Variants in CTNNA2 observed in about 807,000 individuals in gnomAD.
The protein encoded by CTNNA2 is catenin alpha 2.
In CTNNA2, 42 loss-of-function variants were observed where a neutral mutation model predicts 101.0. The ratio of observed to expected loss-of-function variants is 0.42; its 90% CI spans 0.32 to 0.54. The LOEUF (loss-of-function observed/expected upper bound fraction) is 0.54. Among genes scored for constraint, CTNNA2 ranks in the 20% least tolerant of loss-of-function variants. The pLI is 0.14. For synonymous variants in CTNNA2, 450 were observed against 456.4 expected (o/e 0.99, Z 0.18); for missense variants, 871 against 1,223.1 (o/e 0.71, Z 4.29).
intron 8 of CTNNA2, among the ~76,000 whole-genome samples, chr2:80,398,588 C>T (rs1220156917): frequency 6.6e-6 from 1 of 151,718 alleles, no homozygotes; most frequent in Non-Finnish European, 1.5e-5. Flanking sequence ...GGCATGGTGG[C>T]TCATGCCTGT....
chr2:79,799,705 G>T (rs1676009525), intron 3 of CTNNA2, among the ~76,000 whole-genome samples: 1 of 152,200 alleles, frequency 6.6e-6, no homozygotes. Context: ...TCACTGAACT[G>T]AAAGGAGCTT....
intron 7 of CTNNA2, among the ~76,000 whole-genome samples, chr2:80,294,193 C>A (rs1302919602): frequency 6.6e-6 from 1 of 152,164 alleles, no homozygotes; most frequent in Non-Finnish European, 1.5e-5. Context: ...GCTACTGAAC[C>A]TTTTCAGATT....
At chr2:80,234,750 G>T (rs2149081340) in intron 7 of CTNNA2, among the ~76,000 whole-genome samples, 1 of 152,188 alleles carries the variant, frequency 6.6e-6, no homozygotes, top group South Asian at 2.1e-4. Context: ...ACAGTACTGA[G>T]AAATATTATG....
intron 7 of CTNNA2, among the ~76,000 whole-genome samples, chr2:79,964,446 T>C (rs796523953): frequency 1.3e-4 from 20 of 152,252 alleles, no homozygotes. Flanking sequence ...TAATGAAGGA[T>C]ATTACTTTTC....
intron 6 of CTNNA2, among the ~76,000 whole-genome samples, chr2:79,903,284 A>G (rs1343815921): frequency 6.6e-6 from 1 of 151,936 alleles, no homozygotes; most frequent in Non-Finnish European, 1.5e-5. Flanking sequence ...CACAATCCTG[A>G]TTTGTAGTTT....
intron 9 of CTNNA2, among the ~76,000 whole-genome samples, chr2:80,442,520 G>T (rs775631638): frequency 3.3e-5 from 5 of 152,174 alleles, no homozygotes; most frequent in Non-Finnish European, 7.3e-5. Context: ...TCTTGCTTTT[G>T]TTCCTTAATA....
intron 7 of CTNNA2, among the ~76,000 whole-genome samples, chr2:79,920,949 AG>A: frequency 6.6e-6 from 1 of 152,306 alleles, no homozygotes; most frequent in Admixed American, 6.5e-5. Context: ...GAGGGCTTGG[AG>A]GAGCTGGACC....
chr2:80,458,780 A>G (rs1309077692), intron 9 of CTNNA2, among the ~76,000 whole-genome samples: 1 of 152,146 alleles, frequency 6.6e-6, no homozygotes, highest in African/African-American at 2.4e-5. Context: ...TCCTGGGTTT[A>G]TATTATTAAC....
rs568882768 is a variant in CTNNA2 at position 80,062,948 on chromosome 2, A to G, written c.1056+153151A>G. The stretch of plus-strand genomic sequence containing the variant: ...TCTCGATCTCCTGACCTCGTGATCC[A>G]CCTGCCTCGGCCTCCCAAAGTGCTG... On this transcript the variant is annotated intron_variant, in intron 7 of 18. Transcript: ENST00000402739. Among the ~76,000 whole-genome samples the G allele has an allele frequency of 8.9e-3, 1,361 of 152,106 alleles. 20 individuals carry two copies. The highest frequency in any genetic ancestry group is 0.012 in the Non-Finnish European group (827 of 67,982).
At chr2:79,535,902 A>G (rs1237779645) in intron 1 of CTNNA2, among the ~76,000 whole-genome samples, 1 of 152,162 alleles carries the variant, frequency 6.6e-6, no homozygotes, top group African/African-American at 2.4e-5. Flanking sequence ...CCATGATTAG[A>G]TCTGCCTTGC....
chr2:80,151,687 G>T (rs140648460), intron 7 of CTNNA2, among the ~76,000 whole-genome samples: 2 of 152,222 alleles, frequency 1.3e-5, no homozygotes, highest in African/African-American at 4.8e-5. Flanking sequence ...TCCATGACAG[G>T]CTCCACCACT....
At chr2:80,580,975 TGCTG>T (rs1695484763) in intron 13 of CTNNA2, among the ~76,000 whole-genome samples, 2 of 152,048 alleles carry the variant, frequency 1.3e-5, no homozygotes, top group Non-Finnish European at 2.9e-5. Flanking sequence ...AAGATCCCAC[TGCTG>T]CACTCCAGCC....
intron 7 of CTNNA2, among the ~76,000 whole-genome samples, chr2:80,250,198 A>AGTGTGTGTGT (rs1447484092): frequency 1.8e-4 from 26 of 142,852 alleles, no homozygotes; most frequent in African/African-American, 7.1e-4. Context: ...AGAGAGAGAG[A>AGTGTGTGTGT]GAGAGAGTGT....
At chr2:79,314,404 A>T (rs1383832492) in intron 3 of CTNNA2, among the ~76,000 whole-genome samples, 1 of 152,218 alleles carries the variant, frequency 6.6e-6, no homozygotes, top group Non-Finnish European at 1.5e-5. Context: ...TCTGGAGGCT[A>T]ATGTAAACAA....
At chr2:79,328,745 G>C (rs1573083132) in intron 3 of CTNNA2, among the ~76,000 whole-genome samples, 1 of 152,150 alleles carries the variant, frequency 6.6e-6, no homozygotes, top group East Asian at 1.9e-4. Context: ...GTTTTCTGGG[G>C]CTGCCAAAAC....
intron 12 of CTNNA2, among the ~76,000 whole-genome samples, chr2:80,558,443 G>GGT (rs71931933): frequency 6.8e-6 from 1 of 147,586 alleles, no homozygotes; most frequent in Non-Finnish European, 1.5e-5. Context: ...AAGTTTTGTT[G>GGT]GTGTGTGTGT....
At chr2:80,542,162 T>A (rs1036369958) in intron 9 of CTNNA2, among the ~76,000 whole-genome samples, 17 of 151,918 alleles carry the variant, frequency 1.1e-4, no homozygotes, top group Admixed American at 2.6e-4. Flanking sequence ...TAATAACTCC[T>A]CAGTATCATC....
intron 6 of CTNNA2, among the ~76,000 whole-genome samples, chr2:79,880,939 C>T (rs1302783989): frequency 6.6e-6 from 1 of 152,026 alleles, no homozygotes; most frequent in Admixed American, 6.6e-5. Flanking sequence ...CTTTCTAGCT[C>T]TCTGATGTGG....
At chr2:79,728,736 T>C (rs1208751786) in intron 2 of CTNNA2, among the ~76,000 whole-genome samples, 2 of 152,216 alleles carry the variant, frequency 1.3e-5, no homozygotes, top group Non-Finnish European at 2.9e-5. Flanking sequence ...TTAATCCATC[T>C]TGAATTAATT....
Sources: gnomAD v4.1 joint callset for allele counts (sites outside exome capture counted in the v4.1 genomes callset) on GRCh38, gnomAD v4.1.1 for gene constraint, MANE v1.5 for transcripts, NCBI Gene and HGNC (gene_info 2026-07-23, HGNC 2026-07-21) for gene names.